Variants in VPS37A observed in about 807,000 individuals in gnomAD.
The protein encoded by VPS37A is vacuolar protein sorting-associated protein 37A.
A neutral mutation model predicts 49.8 loss-of-function variants in VPS37A; 30 were observed. The observed-to-expected ratio is 0.60, with a 90% CI of 0.45 to 0.82. The LOEUF (loss-of-function observed/expected upper bound fraction) is 0.82. VPS37A is among the 40% of genes least tolerant of loss of function. The probability of loss-of-function intolerance (pLI) is 0.00; values close to 1 mark genes in which losing one functional copy is unlikely to be tolerated. For missense variants in VPS37A, 593 were observed against 464.4 expected (o/e 1.28, Z -2.55); for synonymous variants, 195 against 160.6 (o/e 1.21, Z -1.62).
downstream of VPS37A, chr8:17,300,108 G>C (rs765241258): frequency 2.4e-5 from 38 of 1,614,012 alleles, no homozygotes; most frequent in Non-Finnish European, 3.0e-5. Flanking sequence ...TGTAATCCTG[G>C]GGAGTGTTGG....
At chr8:17,306,993 T>A (rs1243015276), downstream of VPS37A, among the ~76,000 whole-genome samples, 2 of 152,100 alleles carry the variant, frequency 1.3e-5, no homozygotes, top group African/African-American at 2.4e-5. Context: ...GGACTTCATG[T>A]CTAAAACACC....
chr8:17,260,631 T>G (rs78102609), intron 1 of VPS37A, among the ~76,000 whole-genome samples: 3 of 152,148 alleles, frequency 2.0e-5, no homozygotes, highest in African/African-American at 7.2e-5. Context: ...GCATTTCTTA[T>G]AAGATGGGTC....
chr8:17,258,660 T>C (rs1812699755), intron 1 of VPS37A, among the ~76,000 whole-genome samples: 1 of 151,508 alleles, frequency 6.6e-6, no homozygotes, highest in African/African-American at 2.4e-5. Context: ...AAGTAGTCCT[T>C]CTTCAATTTT....
At chr8:17,316,232 G>A in the VPS37A span, among the ~76,000 whole-genome samples, 1 of 151,674 alleles carries the variant, frequency 6.6e-6, no homozygotes, top group Non-Finnish European at 1.5e-5. Flanking sequence ...ATTTATGTTA[G>A]CCCTTATTAC....
At chr8:17,305,968 A>G (rs764634669), downstream of VPS37A, 10 of 1,601,794 alleles carry the variant, frequency 6.2e-6, no homozygotes, top group Non-Finnish European at 3.4e-6. Flanking sequence ...CTATAAAACA[A>G]AGCATTAGAG....
intron 6 of VPS37A, 150 bp downstream of exon 6, chr8:17,276,617 T>C (rs917512267): frequency 6.9e-6 from 5 of 724,584 alleles, no homozygotes; most frequent in Admixed American, 3.3e-5. Flanking sequence ...TAAAAATCAG[T>C]TTTAGGTCCT....
downstream of VPS37A, chr8:17,302,340 T>G (rs1463640570): frequency 6.4e-7 from 1 of 1,551,478 alleles, no homozygotes; most frequent in Non-Finnish European, 8.7e-7. Flanking sequence ...ATTCACATCC[T>G]CAAGTCTTCT....
downstream of VPS37A, chr8:17,299,010 T>TAA (rs1374454324): frequency 1.3e-5 from 2 of 152,206 alleles, no homozygotes; most frequent in Non-Finnish European, 2.9e-5. Flanking sequence ...TTTTATCTAC[T>TAA]AACTTTATAA....
At chr8:17,328,727 A>C in the VPS37A span, among the ~76,000 whole-genome samples, 1 of 152,206 alleles carries the variant, frequency 6.6e-6, no homozygotes, top group Non-Finnish European at 1.5e-5. Context: ...TTAAATAAAA[A>C]AAGAAAATAC....
intron 1 of VPS37A, chr8:17,265,668 G>T: frequency 1.1e-5 from 11 of 1,044,798 alleles, no homozygotes; most frequent in Admixed American, 9.5e-5. Flanking sequence ...GTTTTTTCTT[G>T]CCTCTTTACA....
At chr8:17,265,741 C>G (rs1188142948) in intron 1 of VPS37A, 166 bp from the exon 2 acceptor site, 3 of 1,520,126 alleles carry the variant, frequency 2.0e-6, no homozygotes, top group South Asian at 1.2e-5. Flanking sequence ...ATGAGCCTTT[C>G]TAACTATGAT....
chr8:17,254,851 G>A (rs1278354873), intron 1 of VPS37A, among the ~76,000 whole-genome samples: 1 of 151,916 alleles, frequency 6.6e-6, no homozygotes, highest in East Asian at 1.9e-4. Context: ...AATCTGTTTT[G>A]ATTTTTTTAT....
At chr8:17,289,904 G>A (rs1815981269) in intron 11 of VPS37A, among the ~76,000 whole-genome samples, 1 of 152,110 alleles carries the variant, frequency 6.6e-6, no homozygotes, top group Admixed American at 6.5e-5. Context: ...AGTTCTCCTT[G>A]AAGAGGTCCT....
intron 3 of VPS37A, 56 bp from the exon 4 acceptor site, chr8:17,268,800 G>C: frequency 1.7e-6 from 2 of 1,180,604 alleles, no homozygotes; most frequent in Non-Finnish European, 2.5e-6. Flanking sequence ...ATCCTAATGA[G>C]ACTTTATAAT....
intron 1 of VPS37A, among the ~76,000 whole-genome samples, chr8:17,263,563 G>C (rs1813161924): frequency 6.6e-6 from 1 of 152,060 alleles, no homozygotes; most frequent in South Asian, 2.1e-4. Context: ...AGTATAACTG[G>C]AGAAAATGAA....
intron 2 of VPS37A, among the ~76,000 whole-genome samples, chr8:17,267,392 A>G (rs904737125): frequency 6.6e-5 from 10 of 152,190 alleles, no homozygotes; most frequent in Non-Finnish European, 1.3e-4. Flanking sequence ...TTTCATATCC[A>G]GTAAACTCTC....
At chr8:17,266,136 A>C (rs1380937060) in intron 2 of VPS37A, among the ~76,000 whole-genome samples, 155 bp downstream of exon 2, 1 of 152,204 alleles carries the variant, frequency 6.6e-6, no homozygotes, top group East Asian at 1.9e-4. Flanking sequence ...AAATATTCGA[A>C]AGCTATCACT....
rs1277421150 is a variant in VPS37A, at chr8:17,297,014, GT to G, written c.*2033del. The G allele has an allele frequency of 1.3e-5, 2 of 152,116 alleles. No homozygotes were observed. The highest frequency in any genetic ancestry group is 4.8e-5 in the African/African-American group (2 of 41,448). The allele number at this position is 152,116 out of a possible 1,614,324, so 9.4% of individuals were successfully genotyped here. A position where few individuals can be genotyped will look rare whatever the true frequency, so the allele number is the denominator to read the frequency against. ...ATATGCCCGTATGAATGTGGGTTCT[GT>G]TTTTGCAACAGAGATTAAGTGACCA... On this transcript the variant is annotated 3_prime_UTR_variant, in exon 12 of 12. Coordinates refer to ENST00000324849, the MANE Select transcript of VPS37A (RefSeq NM_152415.3).
At chr8:17,292,824 A>C (rs1336446073) in intron 11 of VPS37A, among the ~76,000 whole-genome samples, 1 of 152,200 alleles carries the variant, frequency 6.6e-6, no homozygotes, top group Non-Finnish European at 1.5e-5. Context: ...AGAGAGATCC[A>C]CTGTTAGTCT....
Sources: gnomAD v4.1 joint callset for allele counts (sites outside exome capture counted in the v4.1 genomes callset) on GRCh38, gnomAD v4.1.1 for gene constraint, MANE v1.5 for transcripts, NCBI Gene and HGNC (gene_info 2026-07-23, HGNC 2026-07-21) for gene names.